The following ACSF3 variants were observed in gnomAD, a reference collection of about 807,000 sequenced individuals.
ACSF3 encodes acyl-CoA synthetase family member 3.
In ACSF3, 78 loss-of-function variants were observed where a neutral mutation model predicts 53.2. The ratio of observed to expected loss-of-function variants is 1.47; its 90% CI spans 1.22 to 1.77. ACSF3 has a LOEUF of 1.77. ACSF3 is among the 40% of genes most tolerant of loss of function. The pLI is 0.00. For synonymous variants in ACSF3, 414 were observed against 333.1 expected, an observed-to-expected ratio of 1.24 and a Z score of -2.65; for missense variants, 937 against 771.1, an observed-to-expected ratio of 1.22 and a Z score of -2.55.
At chr16:89,141,940 T>C (rs1215774766) in intron 8 of ACSF3, among the ~76,000 whole-genome samples, 1 of 152,038 alleles carries the variant, frequency 6.6e-6, no homozygotes, top group Non-Finnish European at 1.5e-5. Flanking sequence ...CAGAGACAGG[T>C]CTCAGTCCTG....
At chr16:89,148,382 G>C (rs1373528286) in intron 10 of ACSF3, 2 of 152,130 alleles carry the variant, frequency 1.3e-5, no homozygotes, top group Admixed American at 1.3e-4. Context: ...TTACAGGCGT[G>C]AGCAACCCCA....
chr16:89,106,391 C>T (rs1290505396), intron 4 of ACSF3, among the ~76,000 whole-genome samples: 1 of 151,556 alleles, frequency 6.6e-6, no homozygotes, highest in Non-Finnish European at 1.5e-5. Context: ...CTCCTGGGTT[C>T]AAGCGATTCT....
chr16:89,154,712 C>T lies in ACSF3; in HGVS notation c.*505C>T, dbSNP rs1484240162. ...CTGGGAGGAGCTGAGGGTTCACAAG[C>T]CTCCCAGAACCAGCCCTGTCCCATG... On this transcript the variant is annotated 3_prime_UTR_variant, in exon 11 of 11. Transcript: ENST00000614302. 1 of 454,102 alleles carries T rather than the reference C, an allele frequency of 2.2e-6. No individual in the cohort carries two copies. The highest frequency in any genetic ancestry group is 4.4e-6 in the Non-Finnish European group (1 of 226,864). 28.1% of individuals were successfully genotyped at this position (454,102 alleles called of 1,614,324 possible). A position where few individuals can be genotyped will look rare whatever the true frequency, so the allele number is the denominator to read the frequency against.
rs4782456 is a variant in ACSF3, at chr16:89,102,797, C to G, written c.822+38C>G. The G allele has an allele frequency of 0.75, 1,212,594 of 1,607,456 alleles. 463,088 individuals are homozygous for G. The highest frequency in any genetic ancestry group is 0.81 in the Admixed American group (48,429 of 59,770). ...CAGGGCTCTCGGTTGCACCCTCAGA[C>G]TAGGCGCCTTTCCCCTGTCGGGGCC... On this transcript the variant is annotated intron_variant, in intron 4 of 10. Transcript: ENST00000614302.
chr16:89,117,904 C>A (rs1185894915), intron 6 of ACSF3, among the ~76,000 whole-genome samples: 4 of 152,084 alleles, frequency 2.6e-5, no homozygotes, highest in Non-Finnish European at 4.4e-5. Flanking sequence ...ACGGCAGGTT[C>A]CCTCGGGTGC....
chr16:89,139,248 G>T (rs549417285), intron 8 of ACSF3, among the ~76,000 whole-genome samples: 1 of 152,268 alleles, frequency 6.6e-6, no homozygotes, highest in Admixed American at 6.5e-5. Context: ...GGGCTGGGCT[G>T]GTCTCCCCAT....
At position 89,102,622 on chromosome 16, in the gene ACSF3, A is replaced by C. The variant is rs776677384; in HGVS notation, c.685A>C (p.Lys229Gln). ...CCTGCAGGTGACCGGGCTGGTCCAC[A>C]AGTGGGCATGGACCAAAGACGACGT... is the stretch of plus-strand genomic sequence containing the variant. Reference protein sequence around the residue: ...IRAVVTGLVHKWAWTKDDVIL... With the variant: ...IRAVVTGLVHQWAWTKDDVIL... The change falls in exon 4 of 11, where the codon AAG becomes CAG. Residue 229 changes from lysine (K) to glutamine (Q), a missense_variant. Physicochemically the swap from Lys to Gln is moderately conservative, Grantham distance 53 (BLOSUM62 1). Transcript: ENST00000614302. 14 of 1,613,652 alleles carry C rather than the reference A, an allele frequency of 8.7e-6. No individual in the cohort carries two copies. In the African/African-American group the frequency reaches 1.7e-4, roughly 20 times the overall value.
chr16:89,147,995 G>A (rs1031756646), intron 10 of ACSF3: 1 of 152,124 alleles, frequency 6.6e-6, no homozygotes, highest in Non-Finnish European at 1.5e-5. Context: ...AAATACACCA[G>A]TGCCAAAAGA....
intron 7 of ACSF3, among the ~76,000 whole-genome samples, chr16:89,131,781 AG>A (rs1909375232): frequency 6.6e-6 from 1 of 152,288 alleles, no homozygotes; most frequent in African/African-American, 2.4e-5. Context: ...GAGCAGATAA[AG>A]GACAGCAGTG....
intron 8 of ACSF3, among the ~76,000 whole-genome samples, chr16:89,144,418 C>T (rs368006702): frequency 3.3e-5 from 5 of 152,358 alleles, no homozygotes; most frequent in African/African-American, 1.2e-4. Context: ...GCAGGAGGCT[C>T]CAGGCACCCA....
intron 6 of ACSF3, among the ~76,000 whole-genome samples, chr16:89,118,145 C>G (rs1426166373): frequency 1.3e-5 from 2 of 148,348 alleles, no homozygotes; most frequent in Admixed American, 6.7e-5. Context: ...GACGCTCTCT[C>G]TTCTCTAAGG....
intron 4 of ACSF3, among the ~76,000 whole-genome samples, chr16:89,106,097 C>T (rs1298926895): frequency 7.9e-5 from 12 of 152,188 alleles, no homozygotes; most frequent in Admixed American, 7.2e-4. Flanking sequence ...AGGGCGTCTG[C>T]CCAGGGATTT....
At chr16:89,114,548 G>T in intron 6 of ACSF3, 61 bp downstream of exon 6, 1 of 1,599,706 alleles carries the variant, frequency 6.3e-7, no homozygotes, top group Non-Finnish European at 8.5e-7. Flanking sequence ...CCCAAGGTGG[G>T]CCAGTCTCGA....
At chr16:89,107,365 G>A (rs1218962310) in intron 4 of ACSF3, among the ~76,000 whole-genome samples, 1 of 147,452 alleles carries the variant, frequency 6.8e-6, no homozygotes, top group African/African-American at 2.4e-5. Context: ...CGTGCATGCT[G>A]TCCCCGCCTC....
intron 1 of ACSF3, among the ~76,000 whole-genome samples, chr16:89,097,965 G>C (rs1974816528): frequency 6.6e-6 from 1 of 152,120 alleles, no homozygotes; most frequent in Non-Finnish European, 1.5e-5. Context: ...AGCTGGCTGG[G>C]ACAGGGGACT....
rs778193654 is a variant in ACSF3, at chr16:89,154,362, A to G, written c.*155A>G. On this transcript the variant is annotated 3_prime_UTR_variant, in exon 11 of 11. Transcript: ENST00000614302. ...AAGAACTGTTTGGGATGAAATCACC[A>G]TGTGGGGTCCCCAGCCTCGGGCCAG... 1.7e-5 allele frequency: 13 copies of G among 769,194 alleles called. No individual in the cohort carries two copies. The East Asian group carries it at 2.4e-4, about 14-fold the overall frequency. 47.6% of individuals were successfully genotyped at this position (769,194 alleles called of 1,614,324 possible).
Position 89,112,123 on chromosome 16 carries a change from C to T in ACSF3, c.854C>T (p.Pro285Leu), listed in dbSNP as rs143793502. 0.015 allele frequency: 16,900 copies of T among 1,112,452 alleles called. 142 individuals are homozygous for T. The highest frequency in any genetic ancestry group is 0.015 in the Non-Finnish European group (13,146 of 896,232). 68.9% of individuals were successfully genotyped at this position (1,112,452 alleles called of 1,614,324 possible). A position where few individuals can be genotyped will look rare whatever the true frequency, so the allele number is the denominator to read the frequency against. ...GAAAAGTTCTTAAGTTCTGAAACGCCGCGGATCAATGTCTTTATGGCAGTG... is the reference window on the plus strand; with the variant it reads ...GAAAAGTTCTTAAGTTCTGAAACGCTGCGGATCAATGTCTTTATGGCAGTG... ...VWEKFLSSETPRINVFMAVPT... is the reference protein window; with the variant it reads ...VWEKFLSSETLRINVFMAVPT... Residue 285 changes from proline to leucine, a missense_variant, in exon 5 of 11, where the codon CCG becomes CTG. Pro to Leu is a moderately conservative substitution (Grantham distance 98). Transcript: ENST00000614302.
At chr16:89,140,981 C>A in intron 8 of ACSF3, 1 of 1,113,106 alleles carries the variant, frequency 9.0e-7, no homozygotes, top group Non-Finnish European at 1.2e-6. Flanking sequence ...TGGCAGCCGA[C>A]TCCGATTCCA....
chr16:89,142,152 C>T (rs557966411), intron 8 of ACSF3, among the ~76,000 whole-genome samples: 9 of 152,302 alleles, frequency 5.9e-5, no homozygotes, highest in African/African-American at 4.8e-5. Flanking sequence ...GGGCCTGTGA[C>T]GACCCTGGGG....
Sources: allele counts gnomAD v4.1 joint callset (sites outside exome capture counted in the v4.1 genomes callset), GRCh38; gene constraint gnomAD v4.1.1; transcripts MANE v1.5; gene names NCBI Gene and HGNC (gene_info 2026-07-23, HGNC 2026-07-21).